STK3: variants seen among roughly 807,000 people sequenced by gnomAD.
STK3 encodes the protein serine/threonine-protein kinase 3.
STK3 carries 41 observed loss-of-function variants against 58.0 expected under a neutral mutation model. That is an observed-to-expected ratio of 0.71 (90% CI 0.55 to 0.92). The LOEUF is 0.92. Among genes scored for constraint, STK3 ranks in the 40% least tolerant of loss-of-function variants. The pLI, the probability that STK3 is intolerant of heterozygous loss-of-function variation, is 0.00. For synonymous variants in STK3, 170 were observed against 191.0 expected (o/e 0.89, Z 0.91); for missense variants, 479 against 602.7 (o/e 0.79, Z 2.15).
At chr8:98,880,681 T>G (rs1837759331), downstream of STK3, 1 of 152,112 alleles carries the variant, frequency 6.6e-6, no homozygotes, top group South Asian at 2.1e-4. Context: ...AAGATCTCAC[T>G]TCACCAAAAA....
At chr8:98,523,087 T>C (rs544977277) in intron 10 of STK3, among the ~76,000 whole-genome samples, 3 of 152,308 alleles carry the variant, frequency 2.0e-5, no homozygotes, top group South Asian at 4.1e-4. Context: ...TATATGATAA[T>C]GCTATGTTAG....
chr8:98,459,951 G>A (rs1301677637), intron 10 of STK3, among the ~76,000 whole-genome samples: 4 of 152,194 alleles, frequency 2.6e-5, no homozygotes, highest in East Asian at 1.9e-4. Flanking sequence ...GGGAAATGTG[G>A]GGTTGGAGAC....
intron 8 of STK3, among the ~76,000 whole-genome samples, chr8:98,555,269 C>T (rs1811506655): frequency 1.3e-5 from 2 of 152,170 alleles, no homozygotes; most frequent in South Asian, 4.2e-4. Context: ...AAAGCATTTT[C>T]TAAATACTCA....
chr8:98,882,836 C>T (rs1177038229), downstream of STK3: 1 of 152,222 alleles, frequency 6.6e-6, no homozygotes, highest in Non-Finnish European at 1.5e-5. Flanking sequence ...ATCATTACTC[C>T]TACCATCACA....
At chr8:98,896,694 C>G (rs1247686279) in intron 1 of STK3, among the ~76,000 whole-genome samples, 1 of 152,198 alleles carries the variant, frequency 6.6e-6, no homozygotes, top group Non-Finnish European at 1.5e-5. Flanking sequence ...TCAGAAATGT[C>G]TGGGCCAGGT....
chr8:98,858,321 T>TAGAGAGAG (rs1404140117), intron 3 of STK3, among the ~76,000 whole-genome samples: 236 of 31,846 alleles, frequency 7.4e-3, no homozygotes, highest in Non-Finnish European at 8.7e-3. Flanking sequence ...TATATATATA[T>TAGAGAGAG]ATAGAGAGAG....
chr8:98,639,105 A>G (rs1054408732), intron 6 of STK3, among the ~76,000 whole-genome samples: 3 of 150,910 alleles, frequency 2.0e-5, no homozygotes, highest in African/African-American at 7.3e-5. Context: ...CAATAAGGAG[A>G]TACACTTTTT....
At chr8:98,576,871 G>A (rs780025896) in intron 8 of STK3, among the ~76,000 whole-genome samples, 3 of 152,182 alleles carry the variant, frequency 2.0e-5, no homozygotes, top group Non-Finnish European at 4.4e-5. Context: ...GGAACCACCA[G>A]ACAGGTCAAA....
chr8:98,719,462 G>A (rs985396589), intron 4 of STK3, among the ~76,000 whole-genome samples: 2 of 152,082 alleles, frequency 1.3e-5, no homozygotes, highest in Non-Finnish European at 1.5e-5. Flanking sequence ...TAAACTGACT[G>A]TACTTCAGGG....
the STK3 span, among the ~76,000 whole-genome samples, chr8:98,365,668 G>A: frequency 1.9e-3 from 275 of 145,030 alleles, 1 homozygote; most frequent in South Asian, 2.4e-3. Context: ...ACCCTATGAT[G>A]GTTTCCATGT....
intron 1 of STK3, among the ~76,000 whole-genome samples, chr8:98,938,731 T>G (rs187998731): frequency 6.6e-6 from 1 of 152,232 alleles, no homozygotes; most frequent in East Asian, 1.9e-4. Flanking sequence ...CCCAGTGTCA[T>G]GCACTCTGAC....
chr8:98,391,227 T>C (rs910563557), upstream of STK3, among the ~76,000 whole-genome samples: 2 of 152,234 alleles, frequency 1.3e-5, no homozygotes, highest in Non-Finnish European at 2.9e-5. Flanking sequence ...GGCCTCACTT[T>C]CCAACCTGCC....
At chr8:98,546,406 T>C (rs1175871446) in intron 9 of STK3, among the ~76,000 whole-genome samples, 1 of 152,076 alleles carries the variant, frequency 6.6e-6, no homozygotes, top group Non-Finnish European at 1.5e-5. Context: ...TATGCTGATG[T>C]TCAACTATAT....
chr8:98,370,450 G>A (rs1817600162), downstream of STK3, among the ~76,000 whole-genome samples: 3 of 151,602 alleles, frequency 2.0e-5, no homozygotes, highest in Non-Finnish European at 1.5e-5. Context: ...TGAAATGACT[G>A]GGCATCTTAA....
chr8:98,858,323 T>TATATATATATATAGAGAG (rs1189807446), intron 3 of STK3, among the ~76,000 whole-genome samples: 9 of 16,268 alleles, frequency 5.5e-4, no homozygotes, highest in African/African-American at 6.9e-4. Context: ...TATATATATA[T>TATATATATATATAGAGAG]AGAGAGAGAG....
At chr8:98,719,556 A>G (rs937339477) in intron 4 of STK3, among the ~76,000 whole-genome samples, 1 of 152,232 alleles carries the variant, frequency 6.6e-6, no homozygotes, top group Admixed American at 6.5e-5. Context: ...CAGGGATATT[A>G]TACTAATTCA....
intron 1 of STK3, among the ~76,000 whole-genome samples, chr8:98,821,819 T>C (rs916408163): frequency 1.3e-5 from 2 of 152,110 alleles, no homozygotes; most frequent in Non-Finnish European, 2.9e-5. Flanking sequence ...CAAACCTTGT[T>C]AAGGAGACCA....
intron 6 of STK3, among the ~76,000 whole-genome samples, chr8:98,670,246 A>G (rs1822723861): frequency 6.6e-6 from 1 of 152,032 alleles, no homozygotes. Flanking sequence ...GTGTGTGCCT[A>G]TAGTACCAGC....
intron 3 of STK3, among the ~76,000 whole-genome samples, chr8:98,869,074 G>GGAAGGAAGGAAGGAAGGAAGGAAGGAAA (rs1564072424): frequency 8.4e-4 from 110 of 130,464 alleles, no homozygotes; most frequent in African/African-American, 2.9e-3. Flanking sequence ...AAGGAAGGAA[G>GGAAGGAAGGAAGGAAGGAAGGAAGGAAA]GAAGGAAGGA....
Sources: gnomAD v4.1 joint callset for allele counts (sites outside exome capture counted in the v4.1 genomes callset) on GRCh38, gnomAD v4.1.1 for gene constraint, MANE v1.5 for transcripts, NCBI Gene and HGNC (gene_info 2026-07-23, HGNC 2026-07-21) for gene names.